The following OR3A2 variants were observed in gnomAD, a reference collection of about 807,000 sequenced individuals.
OR3A2 encodes the protein olfactory receptor family 3 subfamily A member 2.
For missense variants in OR3A2, 318 were observed against 392.8 expected (o/e 0.81, Z 1.61); for synonymous variants, 126 against 159.3 (o/e 0.79, Z 1.57).
At chr17:3,379,297 A>G (rs1466263060) in intron 2 of OR3A2, among the ~76,000 whole-genome samples, 4 of 152,100 alleles carry the variant, frequency 2.6e-5, no homozygotes, top group Non-Finnish European at 5.9e-5. Context: ...CAGGAGGGCT[A>G]CTCTGCCGAG....
intron 2 of OR3A2, among the ~76,000 whole-genome samples, chr17:3,378,279 G>A (rs911682577): frequency 6.6e-6 from 1 of 152,230 alleles, no homozygotes; most frequent in African/African-American, 2.4e-5. Flanking sequence ...ACTCTTTGGT[G>A]TCCAAAGTCT....
At chr17:3,282,505 A>G (rs1386902077) in intron 1 of OR3A2, among the ~76,000 whole-genome samples, 2 of 145,330 alleles carry the variant, frequency 1.4e-5, no homozygotes, top group Admixed American at 7.0e-5. Context: ...GATGTCTCCA[A>G]TGTGAGGCTG....
chr17:3,298,018 G>A (rs865909929), intron 3 of OR3A2, among the ~76,000 whole-genome samples: 5 of 151,958 alleles, frequency 3.3e-5, no homozygotes, highest in Middle Eastern at 3.2e-3. Flanking sequence ...AGATAGATGG[G>A]GTGGTTCTGA....
At chr17:3,371,535 C>A (rs2049620655) in intron 2 of OR3A2, among the ~76,000 whole-genome samples, 1 of 139,550 alleles carries the variant, frequency 7.2e-6, no homozygotes, top group African/African-American at 2.7e-5. Flanking sequence ...CCCACCACCT[C>A]CCTCCCGGAC....
chr17:3,290,376 C>G (rs185559951), intron 3 of OR3A2, among the ~76,000 whole-genome samples: 3 of 152,312 alleles, frequency 2.0e-5, no homozygotes, highest in Admixed American at 6.5e-5. Context: ...ACCCCCTCCA[C>G]TTGCAATTCT....
chr17:3,371,963 C>T (rs1228466472), intron 2 of OR3A2, among the ~76,000 whole-genome samples: 141 of 149,020 alleles, frequency 9.5e-4, no homozygotes, highest in Non-Finnish European at 3.6e-4. Context: ...GGCTGCCAGG[C>T]GGAGACGCTC....
chr17:3,294,654 T>C (rs1017492784), intron 3 of OR3A2, among the ~76,000 whole-genome samples: 5 of 152,064 alleles, frequency 3.3e-5, no homozygotes, highest in African/African-American at 1.2e-4. Flanking sequence ...TGAATATCAA[T>C]GATTAAAAAA....
chr17:3,316,895 C>T (rs2049085915), intron 3 of OR3A2, among the ~76,000 whole-genome samples: 1 of 152,194 alleles, frequency 6.6e-6, no homozygotes, highest in Non-Finnish European at 1.5e-5. Flanking sequence ...AGTTTTAATT[C>T]AGTCTCTGCT....
intron 2 of OR3A2, among the ~76,000 whole-genome samples, chr17:3,372,579 C>T (rs1330187787): frequency 2.0e-5 from 3 of 151,970 alleles, no homozygotes; most frequent in Non-Finnish European, 4.4e-5. Flanking sequence ...CCCGGCACCT[C>T]GGGAGGCCGA....
chr17:3,321,386 G>A (rs1411713222), intron 3 of OR3A2, among the ~76,000 whole-genome samples: 12 of 152,034 alleles, frequency 7.9e-5, no homozygotes, highest in Admixed American at 4.6e-4. Context: ...TCTCCTGCCT[G>A]ATTGCCCTGG....
intron 2 of OR3A2, among the ~76,000 whole-genome samples, chr17:3,375,248 C>CTTTTT (rs1567572522): frequency 3.1e-4 from 16 of 51,094 alleles, no homozygotes; most frequent in African/African-American, 2.0e-3. Context: ...TTTTTTTTCC[C>CTTTTT]CCCCTTTTTG....
At position 3,327,870 on chromosome 17, in the gene OR3A2, C is replaced by T. The variant is rs1292693302; in HGVS notation, c.-85+8163G>A. 8.9e-5 allele frequency among the ~76,000 whole-genome samples: 12 copies of T among 134,628 alleles called. No individual in the cohort carries two copies. The East Asian group carries it at 1.1e-3, about 12-fold the overall frequency. 88.3% of individuals were successfully genotyped at this position (134,628 alleles called of 152,430 possible). ...TTGTCAAAGATCAGATAGCTGTAGACATGCGGTGTTATTTCTGAGGGCTCT... is the reference window on the plus strand; with the variant it reads ...TTGTCAAAGATCAGATAGCTGTAGATATGCGGTGTTATTTCTGAGGGCTCT... On this transcript the variant is annotated intron_variant, in intron 3 of 4. Transcript: ENST00000573491.
intron 3 of OR3A2, among the ~76,000 whole-genome samples, chr17:3,299,867 T>G (rs1567547096): frequency 6.6e-6 from 1 of 152,172 alleles, no homozygotes; most frequent in Non-Finnish European, 1.5e-5. Context: ...AATAAAATAA[T>G]AGTTAAAGCA....
rs2049043730 is a variant in OR3A2 at position 3,311,443 on chromosome 17, A to G, written c.-85+24590T>C. 1 of 465,750 alleles carries G rather than the reference A, an allele frequency of 2.1e-6. No homozygotes were observed. The highest frequency in any genetic ancestry group is 4.4e-6 in the Non-Finnish European group (1 of 225,414). 28.9% of individuals were successfully genotyped at this position (465,750 alleles called of 1,614,324 possible). Reference sequence around the variant, plus strand: ...GGGTGCCCTGGTGGGAATTTGCTGCACTGTCTCCTTCATCAATGCTCTGAC... The same window carrying G: ...GGGTGCCCTGGTGGGAATTTGCTGCGCTGTCTCCTTCATCAATGCTCTGAC... On this transcript the variant is annotated intron_variant, in intron 3 of 4. Coordinates refer to the OR3A2 transcript ENST00000573491. The surrounding 1 kb of genome is among the most constrained non-coding windows in gnomAD (Gnocchi z 4.6).
intron 2 of OR3A2, among the ~76,000 whole-genome samples, chr17:3,377,056 T>C (rs2049691198): frequency 1.3e-5 from 2 of 152,364 alleles, no homozygotes; most frequent in Middle Eastern, 6.8e-3. Context: ...CTCTCACACA[T>C]TGAAAACTCA....
chr17:3,375,218 CTT>C (rs1161264007), intron 2 of OR3A2, among the ~76,000 whole-genome samples: 1 of 27,086 alleles, frequency 3.7e-5, no homozygotes, highest in South Asian at 1.3e-3. Context: ...AGATTTCTTC[CTT>C]TTTTTTTTTC....
intron 2 of OR3A2, among the ~76,000 whole-genome samples, chr17:3,366,974 A>G (rs1032171901): frequency 1.3e-5 from 2 of 152,206 alleles, no homozygotes; most frequent in South Asian, 2.1e-4. Context: ...GAGTGAGATT[A>G]CCTTGAGACT....
chr17:3,363,555 T>G (rs1251389518), intron 2 of OR3A2, among the ~76,000 whole-genome samples: 1 of 151,822 alleles, frequency 6.6e-6, no homozygotes, highest in South Asian at 2.1e-4. Flanking sequence ...TTCTAAACTG[T>G]CTCACATCTT....
At chr17:3,312,239 A>G (rs2049050148) in intron 3 of OR3A2, among the ~76,000 whole-genome samples, 1 of 152,168 alleles carries the variant, frequency 6.6e-6, no homozygotes, top group Admixed American at 6.5e-5. Flanking sequence ...GTTCAATTGA[A>G]ACATATATAA....
Sources: gnomAD v4.1 joint callset for allele counts (sites outside exome capture counted in the v4.1 genomes callset) on GRCh38, gnomAD v4.1.1 for gene constraint, Gnocchi (gnomAD v3.1) non-coding constraint, MANE v1.5 for transcripts, NCBI Gene and HGNC (gene_info 2026-07-23, HGNC 2026-07-21) for gene names.